Variants in CPSF2 observed in about 807,000 individuals in gnomAD.
The protein encoded by CPSF2 is cleavage and polyadenylation specific factor 2, also known as cleavage and polyadenylation specificity factor subunit 2.
Under a neutral mutation model 84.2 loss-of-function variants are expected in CPSF2, and 51 were observed. The ratio of observed to expected loss-of-function variants is 0.61; its 90% CI spans 0.48 to 0.77. The LOEUF (loss-of-function observed/expected upper bound fraction) is 0.77, where lower values mean the gene tolerates loss of function less well. Ranked by LOEUF, CPSF2 falls within the 30% of genes least tolerant of loss-of-function variation. The pLI, the probability that CPSF2 is intolerant of heterozygous loss-of-function variation, is 0.00. For missense variants in CPSF2, 641 were observed against 929.4 expected, an observed-to-expected ratio of 0.69 and a Z score of 4.03; for synonymous variants, 286 against 311.9, an observed-to-expected ratio of 0.92 and a Z score of 0.87.
At chr14:92,154,850 G>A (rs1443783986) in intron 10 of CPSF2, among the ~76,000 whole-genome samples, 3 of 152,120 alleles carry the variant, frequency 2.0e-5, no homozygotes, top group African/African-American at 7.2e-5. Context: ...CTACAAACCT[G>A]TACAGCATGT....
At position 92,143,084 on chromosome 14, in the gene CPSF2, A is replaced by C; in HGVS notation, c.930A>C (p.Leu310Phe). 6.2e-7 allele frequency: 1 copy of C among 1,614,048 alleles called. No individual in the cohort carries two copies. Among genetic ancestry groups the C allele is most frequent in the Non-Finnish European group, 8.5e-7 (1 of 1,179,944 alleles). Reference protein sequence around the residue: ...NNPFQFRHLSLCHGLSDLARV... With the variant: ...NNPFQFRHLSFCHGLSDLARV... Reference sequence around the variant, plus strand: ...CGTTTCAGTTTCGCCATCTCTCTTTATGTCATGGTCTTTCTGACTTGGCCC... The same window carrying C: ...CGTTTCAGTTTCGCCATCTCTCTTTCTGTCATGGTCTTTCTGACTTGGCCC... The change falls in exon 9 of 16, where the codon TTA becomes TTC. Residue 310 changes from leucine (L) to phenylalanine (F), a missense_variant. Around this residue, in one of 2 missense-constraint regions of CPSF2, gnomAD observed 211 missense variants for 375.7 expected, o/e 0.56. Transcript: ENST00000298875.
In CPSF2 at chr14:92,131,065, G is replaced by A. The variant is rs1352550973; in HGVS notation, c.81G>A (p.Glu27=). The A allele has an allele frequency of 1.2e-6, 2 of 1,612,988 alleles. No individual in the cohort carries two copies. The highest frequency in any genetic ancestry group is 1.7e-6 in the Non-Finnish European group (2 of 1,179,458). ...TTTGCTATCTTCTCCAAGTTGATGA[G>A]TTTAGATTTTTATTGGACTGTGGCT... The part of the protein sequence containing the change: ...SALCYLLQVD[E]FRFLLDCGWD... Residue 27 remains glutamate, a synonymous_variant, in exon 3 of 16, where the codon GAG becomes GAA. Transcript: ENST00000298875.
chr14:92,139,432 A>G (rs566622914), intron 7 of CPSF2, among the ~76,000 whole-genome samples: 2 of 152,046 alleles, frequency 1.3e-5, no homozygotes, highest in South Asian at 4.2e-4. Flanking sequence ...AAAAAAGAAA[A>G]ATGAACAAAG....
At chr14:92,122,410 C>T (rs2068783154) in intron 1 of CPSF2, 1 of 159,076 alleles carries the variant, frequency 6.3e-6, no homozygotes, top group Non-Finnish European at 1.4e-5. Flanking sequence ...CTTCCCCTTT[C>T]ATCTCTTGGC....
intron 14 of CPSF2, among the ~76,000 whole-genome samples, chr14:92,160,493 G>A (rs1339670147): frequency 2.0e-5 from 3 of 152,168 alleles, no homozygotes; most frequent in South Asian, 2.1e-4. Context: ...ATTAAGAATA[G>A]AGAGACAGCC....
At chr14:92,160,700 A>G (rs1316491656) in intron 14 of CPSF2, among the ~76,000 whole-genome samples, 1 of 152,244 alleles carries the variant, frequency 6.6e-6, no homozygotes, top group Non-Finnish European at 1.5e-5. Context: ...AAGGAGGGAC[A>G]GGGAAAATGG....
chr14:92,160,525 A>G (rs575133346), intron 14 of CPSF2, among the ~76,000 whole-genome samples: 1 of 152,338 alleles, frequency 6.6e-6, no homozygotes, highest in Admixed American at 6.5e-5. Flanking sequence ...ATTCCCTTCT[A>G]GTACAACCCT....
chr14:92,147,155 C>T (rs1361133689), intron 9 of CPSF2, among the ~76,000 whole-genome samples: 5 of 152,170 alleles, frequency 3.3e-5, no homozygotes, highest in African/African-American at 1.2e-4. Flanking sequence ...GCACCCAGAA[C>T]TGTGCCTGAC....
At chr14:92,150,269 G>A (rs571469813) in intron 9 of CPSF2, among the ~76,000 whole-genome samples, 3 of 151,380 alleles carry the variant, frequency 2.0e-5, no homozygotes, top group South Asian at 2.1e-4. Context: ...TGTGTGCCAC[G>A]TTGCCCAGCT....
chr14:92,124,142 C>T (rs992800925), intron 1 of CPSF2, among the ~76,000 whole-genome samples: 2 of 152,136 alleles, frequency 1.3e-5, no homozygotes, highest in Non-Finnish European at 2.9e-5. Context: ...ATTTAGTGCA[C>T]GAGTGATTGG....
rs117934581 is a variant in CPSF2, at chr14:92,130,898, T to C, written c.-34-53T>C. 4,358 of 1,105,280 alleles carry C rather than the reference T, an allele frequency of 3.9e-3. 21 individuals carry two copies. Among genetic ancestry groups the C allele is most frequent in the Middle Eastern group, 0.018 (83 of 4,494 alleles). 68.5% of individuals were successfully genotyped at this position (1,105,280 alleles called of 1,614,324 possible). A position where few individuals can be genotyped will look rare whatever the true frequency, so the allele number is the denominator to read the frequency against. ...ATAATTTTAATCAATTTGTTTATTA[T>C]ATATGCCAGACTGTGCTTTTATGTT... On this transcript the variant is annotated intron_variant, in intron 2 of 15. Coordinates refer to ENST00000298875, the MANE Select transcript of CPSF2 (RefSeq NM_017437.3).
chr14:92,146,980 G>T (rs570958645), intron 9 of CPSF2, among the ~76,000 whole-genome samples: 1 of 151,980 alleles, frequency 6.6e-6, no homozygotes, highest in African/African-American at 2.4e-5. Flanking sequence ...TTTGACTACA[G>T]ATTTAAAATA....
Position 92,155,294 on chromosome 14 carries a change from T to G in CPSF2, c.1413T>G (p.Ile471Met), listed in dbSNP as rs759327565. ...TGTTTCCTGCCCCAGAAGAAAGAAT[T>G]AAATGGGATGAATATGGAGAGATTA... Reference protein sequence around the residue: ...YPMFPAPEERIKWDEYGEIIK... With the variant: ...YPMFPAPEERMKWDEYGEIIK... The change falls in exon 11 of 16, where the codon ATT (isoleucine) becomes ATG (methionine). Residue 471 changes from isoleucine to methionine, a missense_variant. By Grantham distance (10) the Ile-to-Met change is conservative (BLOSUM62 1). Transcript: ENST00000298875. 1.1e-5 allele frequency: 17 copies of G among 1,613,914 alleles called. No homozygotes were observed. Among genetic ancestry groups the G allele is most frequent in the Non-Finnish European group, 1.4e-5 (16 of 1,179,954 alleles).
At position 92,154,417 on chromosome 14, in the gene CPSF2, A is replaced by ACT; in HGVS notation, c.1201_1202dup (p.Lys402Ter). On this transcript the variant is annotated frameshift_variant, in exon 10 of 16. Coordinates refer to ENST00000298875, the MANE Select transcript of CPSF2 (RefSeq NM_017437.3). LOFTEE classifies it high-confidence loss of function. ...TTGAAGAATACTTGGAAAAAGAGAAACTAAAGAAAGAAGCTGCCAAAAAGC... is the reference window on the plus strand; with the variant it reads ...TTGAAGAATACTTGGAAAAAGAGAAACTCTAAAGAAAGAAGCTGCCAAAAAGC... 2 of 1,610,840 alleles carry ACT rather than the reference A, an allele frequency of 1.2e-6. No individual in the cohort carries two copies. The highest frequency in any genetic ancestry group is 1.7e-6 in the Non-Finnish European group (2 of 1,179,010).
intron 15 of CPSF2, among the ~76,000 whole-genome samples, 166 bp downstream of exon 15, chr14:92,161,412 T>G (rs2141485321): frequency 6.6e-6 from 1 of 152,342 alleles, no homozygotes; most frequent in South Asian, 2.1e-4. Context: ...ACTTGAAGGC[T>G]TATGAAAGAC....
At chr14:92,149,341 C>T (rs755155482) in intron 9 of CPSF2, among the ~76,000 whole-genome samples, 4 of 152,126 alleles carry the variant, frequency 2.6e-5, no homozygotes, top group Non-Finnish European at 4.4e-5. Context: ...TAACACTTTG[C>T]GAGGCTAAGA....
chr14:92,157,937 G>A lies in CPSF2; in HGVS notation c.1821+53G>A. ...TAGAAATAAGTACTTTTTGTTGCAG[G>A]TTAGGACAGATAACATTAGAAATAC... is the stretch of plus-strand genomic sequence containing the variant. On this transcript the variant is annotated intron_variant, in intron 13 of 15. Transcript: ENST00000298875. The surrounding 1 kb of genome is among the most constrained non-coding windows in gnomAD (Gnocchi z 4.0). 3 of 1,251,734 alleles carry A rather than the reference G, an allele frequency of 2.4e-6. No individual in the cohort carries two copies. Among genetic ancestry groups the A allele is most frequent in the Middle Eastern group, 1.9e-4 (1 of 5,356 alleles). 77.5% of individuals were successfully genotyped at this position (1,251,734 alleles called of 1,614,324 possible).
chr14:92,160,155 G>C (rs2069352951), intron 14 of CPSF2, among the ~76,000 whole-genome samples: 1 of 152,068 alleles, frequency 6.6e-6, no homozygotes, highest in African/African-American at 2.4e-5. Flanking sequence ...TAGAAACGGG[G>C]TTTTGCCATG....
chr14:92,154,465 C>A lies in CPSF2; in HGVS notation c.1241+7C>A. ...AGCTTGAGCAGTCAAAAGAGTGAGT[C>A]ATTTTCAGACAGATTATAAATTTAT... On this transcript the variant is annotated splice_region_variant and intron_variant, in intron 10 of 15. Coordinates refer to ENST00000298875, the MANE Select transcript of CPSF2 (RefSeq NM_017437.3). 1 of 1,547,162 alleles carries A rather than the reference C, an allele frequency of 6.5e-7. No individual in the cohort carries two copies. Among genetic ancestry groups the A allele is most frequent in the South Asian group, 1.2e-5 (1 of 82,700 alleles).
Sources: gnomAD v4.1 joint callset for allele counts (sites outside exome capture counted in the v4.1 genomes callset) on GRCh38, gnomAD v4.1.1 for gene constraint, gnomAD v4.1.1 regional missense constraint, Gnocchi (gnomAD v3.1) non-coding constraint, MANE v1.5 for transcripts, NCBI Gene and HGNC (gene_info 2026-07-23, HGNC 2026-07-21) for gene names.